NMT2: variants seen among roughly 807,000 people sequenced by gnomAD.
The protein encoded by NMT2 is N-myristoyltransferase 2, also known as glycylpeptide N-tetradecanoyltransferase 2.
In NMT2, 35 loss-of-function variants were observed where a neutral mutation model predicts 65.4. The ratio of observed to expected loss-of-function variants is 0.54; its 90% confidence interval spans 0.41 to 0.71. NMT2 has a LOEUF of 0.71. NMT2 is among the 30% of genes least tolerant of loss of function. The probability of loss-of-function intolerance (pLI) is 0.00; values close to 1 mark genes in which losing one functional copy is unlikely to be tolerated. For synonymous variants in NMT2, 226 were observed against 231.8 expected (o/e 0.98, Z 0.23); for missense variants, 489 against 611.3 (o/e 0.80, Z 2.11).
intron 1 of NMT2, among the ~76,000 whole-genome samples, chr10:15,143,070 A>G (rs181152318): frequency 2.0e-5 from 3 of 152,294 alleles, no homozygotes; most frequent in Admixed American, 2.0e-4. Context: ...ACCAGTACAT[A>G]CTAATACAAA....
At chr10:15,156,083 T>C (rs897026574) in intron 1 of NMT2, among the ~76,000 whole-genome samples, 4 of 152,182 alleles carry the variant, frequency 2.6e-5, no homozygotes, top group African/African-American at 9.7e-5. Flanking sequence ...TAACTGAAAC[T>C]GCAGAAAGCA....
intron 9 of NMT2, among the ~76,000 whole-genome samples, chr10:15,114,485 A>C (rs950282925): frequency 2.0e-5 from 3 of 152,200 alleles, no homozygotes; most frequent in Non-Finnish European, 2.9e-5. Flanking sequence ...CCCCGCTCAC[A>C]ACAAAACCCA....
chr10:15,146,398 C>T (rs914763483), intron 1 of NMT2, among the ~76,000 whole-genome samples: 3 of 152,212 alleles, frequency 2.0e-5, no homozygotes, highest in African/African-American at 7.2e-5. Flanking sequence ...GGATGACATC[C>T]ACAAAACCCA....
At chr10:15,144,263 C>T (rs569534573) in intron 1 of NMT2, among the ~76,000 whole-genome samples, 90 of 152,284 alleles carry the variant, frequency 5.9e-4, no homozygotes, top group Admixed American at 4.1e-3. Context: ...TCCCAGCCTC[C>T]AAACTCCCAG....
intron 8 of NMT2, among the ~76,000 whole-genome samples, chr10:15,122,915 T>G (rs1221557116): frequency 6.6e-6 from 1 of 151,270 alleles, no homozygotes; most frequent in African/African-American, 2.4e-5. Context: ...TACATACTAG[T>G]GTTATTATGA....
intron 1 of NMT2, among the ~76,000 whole-genome samples, chr10:15,164,004 C>T (rs1260803034): frequency 6.6e-6 from 1 of 151,818 alleles, no homozygotes; most frequent in African/African-American, 2.4e-5. Flanking sequence ...ATGGTGAAAC[C>T]CCGTCTCTAC....
chr10:15,168,186 G>A, intron 1 of NMT2, among the ~76,000 whole-genome samples: 1 of 152,144 alleles, frequency 6.6e-6, no homozygotes, highest in East Asian at 1.9e-4. Context: ...CCGCGGGCGA[G>A]GGCAACAGGC....
intron 6 of NMT2, among the ~76,000 whole-genome samples, chr10:15,130,722 A>AAAAAAG: frequency 1.3e-5 from 2 of 149,964 alleles, no homozygotes; most frequent in Non-Finnish European, 3.0e-5. Flanking sequence ...AAAAAAAAAA[A>AAAAAAG]AAAAAGAAAA....
intron 7 of NMT2, 67 bp from the exon 8 acceptor site, chr10:15,128,525 C>G: frequency 1.0e-6 from 1 of 1,002,262 alleles, no homozygotes; most frequent in Non-Finnish European, 1.6e-6. Flanking sequence ...CTCTTTGTCT[C>G]AGCTTGGCTG....
chr10:15,161,061 C>T (rs192767050), intron 1 of NMT2, among the ~76,000 whole-genome samples: 1 of 111,038 alleles, frequency 9.0e-6, no homozygotes, highest in Admixed American at 1.4e-4. Context: ...GGTGACAGAG[C>T]GAGACTCTGC....
intron 7 of NMT2, among the ~76,000 whole-genome samples, chr10:15,128,737 G>A (rs1407095401): frequency 1.3e-5 from 2 of 152,324 alleles, no homozygotes; most frequent in East Asian, 3.9e-4. Context: ...GGGCACGGTG[G>A]CTCATGCCTG....
intron 2 of NMT2, among the ~76,000 whole-genome samples, chr10:15,138,773 G>A (rs1846614945): frequency 6.6e-6 from 1 of 152,092 alleles, no homozygotes; most frequent in Non-Finnish European, 1.5e-5. Context: ...AGCTTAAAGG[G>A]AAAGAGCCCC....
At chr10:15,138,173 G>T (rs576008179) in intron 2 of NMT2, among the ~76,000 whole-genome samples, 67 of 152,042 alleles carry the variant, frequency 4.4e-4, no homozygotes, top group African/African-American at 1.5e-3. Context: ...ACCACGCCTG[G>T]CTAATTTTTG....
chr10:15,145,967 C>A (rs1846950413), intron 1 of NMT2, among the ~76,000 whole-genome samples: 1 of 152,152 alleles, frequency 6.6e-6, no homozygotes, highest in Admixed American at 6.5e-5. Flanking sequence ...AGAGAAGACT[C>A]TCCCTGGAAA....
chr10:15,126,822 A>T (rs1406736996), intron 8 of NMT2, among the ~76,000 whole-genome samples: 15 of 152,214 alleles, frequency 9.9e-5, no homozygotes, highest in Non-Finnish European at 1.6e-4. Context: ...GTGATAATAA[A>T]TGTTGTTTTA....
At chr10:15,109,260 A>C (rs752464351) in intron 11 of NMT2, 45 bp from the exon 12 acceptor site, 1 of 1,596,594 alleles carries the variant, frequency 6.3e-7, no homozygotes, top group Non-Finnish European at 8.5e-7. Context: ...ATTAGATTGC[A>C]ATGTAGTACA....
At chr10:15,137,239 C>G (rs1846545815) in intron 2 of NMT2, among the ~76,000 whole-genome samples, 1 of 152,008 alleles carries the variant, frequency 6.6e-6, no homozygotes, top group South Asian at 2.1e-4. Context: ...TGTCAAGAAC[C>G]CTAAGGAAAC....
intron 2 of NMT2, 153 bp downstream of exon 2, chr10:15,141,269 A>G: frequency 9.6e-7 from 1 of 1,039,852 alleles, no homozygotes; most frequent in South Asian, 1.6e-5. Context: ...AGTCCATTTT[A>G]AGGAGGCTGT....
chr10:15,161,921 T>C (rs931441797), intron 1 of NMT2, among the ~76,000 whole-genome samples: 5 of 152,190 alleles, frequency 3.3e-5, no homozygotes, highest in African/African-American at 9.7e-5. Flanking sequence ...AATTTTTTGA[T>C]ATGGATAAAG....
Sources: allele counts gnomAD v4.1 joint callset (sites outside exome capture counted in the v4.1 genomes callset), GRCh38; gene constraint gnomAD v4.1.1; transcripts MANE v1.5; gene names NCBI Gene and HGNC (gene_info 2026-07-23, HGNC 2026-07-21).